Variants in ATR observed in about 807,000 individuals in gnomAD.
The protein encoded by ATR is ATR checkpoint kinase.
In ATR, 142 loss-of-function variants were observed where a neutral mutation model predicts 305.3. The ratio of observed to expected loss-of-function variants is 0.47; its 90% CI spans 0.41 to 0.53. The LOEUF is 0.53. Among genes scored for constraint, ATR ranks in the 20% least tolerant of loss-of-function variants. The probability of loss-of-function intolerance (pLI) is 0.00; values close to 1 mark genes in which losing one functional copy is unlikely to be tolerated. For missense variants in ATR, 2,135 were observed against 3,133.1 expected (o/e 0.68, Z 7.60); for synonymous variants, 1,050 against 1,068.1 (o/e 0.98, Z 0.33).
chr3:142,516,530 A>G (rs1390660738), intron 24 of ATR, among the ~76,000 whole-genome samples: 2 of 151,880 alleles, frequency 1.3e-5, no homozygotes, highest in Non-Finnish European at 2.9e-5. Flanking sequence ...AACCATCACC[A>G]CCCTCCTAAA....
chr3:142,544,187 G>C (rs2034171130), intron 16 of ATR, among the ~76,000 whole-genome samples: 1 of 151,960 alleles, frequency 6.6e-6, no homozygotes, highest in Admixed American at 6.6e-5. Context: ...GCTAGGTGTG[G>C]TGGCTCACGC....
At chr3:142,515,764 A>C (rs891770940) in intron 24 of ATR, among the ~76,000 whole-genome samples, 4 of 151,962 alleles carry the variant, frequency 2.6e-5, no homozygotes, top group Non-Finnish European at 5.9e-5. Context: ...TATAAGAAAA[A>C]CCTGTTCCTT....
chr3:142,450,469 A>G, intron 46 of ATR: 1 of 1,601,646 alleles, frequency 6.2e-7, no homozygotes, highest in Non-Finnish European at 8.5e-7. Flanking sequence ...TACTCACTTA[A>G]TGAGGTCCAC....
chr3:142,496,874 CAG>C, intron 33 of ATR, 137 bp downstream of exon 33: 3 of 992,456 alleles, frequency 3.0e-6, no homozygotes, highest in Non-Finnish European at 4.4e-6. Flanking sequence ...TCCTTTCAAC[CAG>C]ATAGTGTAGC....
chr3:142,484,542 C>T lies in ATR; in HGVS notation c.6221+598G>A, dbSNP rs1010728505. ...ATCTCTTCATCAGACTGTTTATTTG[C>T]ATCCTTTAAAATATCTTTCTTAATA... On this transcript the variant is annotated intron_variant, in intron 36 of 46. Coordinates refer to ENST00000350721, the MANE Select transcript of ATR (RefSeq NM_001184.4). Among the ~76,000 whole-genome samples, 4 of 152,266 alleles carry T rather than the reference C, an allele frequency of 2.6e-5. No homozygotes were observed. In the East Asian group the frequency reaches 7.7e-4, roughly 29 times the overall value.
chr3:142,534,961 G>A (rs962055026), intron 21 of ATR, 119 bp downstream of exon 21: 3 of 1,137,370 alleles, frequency 2.6e-6, no homozygotes, highest in East Asian at 2.7e-5. Context: ...TGATAATTCA[G>A]GTAAAATAAA....
chr3:142,464,673 A>G (rs2068050428), intron 41 of ATR, among the ~76,000 whole-genome samples: 1 of 152,210 alleles, frequency 6.6e-6, no homozygotes, highest in Non-Finnish European at 1.5e-5. Context: ...GGTTAAATTA[A>G]TGGAGACAAA....
At chr3:142,468,646 C>A (rs1420364352) in intron 38 of ATR, among the ~76,000 whole-genome samples, 1 of 151,786 alleles carries the variant, frequency 6.6e-6, no homozygotes, top group African/African-American at 2.4e-5. Flanking sequence ...ATATATTGAC[C>A]AACATATGAA....
At chr3:142,451,152 C>T in intron 46 of ATR, 1 of 1,227,304 alleles carries the variant, frequency 8.1e-7, no homozygotes, top group Non-Finnish European at 1.0e-6. Context: ...AATTTCACAT[C>T]CACTGAGGAA....
At chr3:142,473,851 G>C (rs1013571882) in intron 36 of ATR, among the ~76,000 whole-genome samples, 2 of 151,004 alleles carry the variant, frequency 1.3e-5, no homozygotes, top group Admixed American at 1.3e-4. Flanking sequence ...CTTTGTTCTT[G>C]CTCAAGATTT....
chr3:142,555,420 A>G (rs1254730398), intron 10 of ATR, among the ~76,000 whole-genome samples: 4 of 152,130 alleles, frequency 2.6e-5, no homozygotes, highest in Non-Finnish European at 5.9e-5. Flanking sequence ...AAGTATTTGT[A>G]TAAATCTCAT....
At chr3:142,496,145 T>C (rs1051535483) in intron 34 of ATR, among the ~76,000 whole-genome samples, 5 of 151,298 alleles carry the variant, frequency 3.3e-5, no homozygotes, top group East Asian at 2.0e-4. Context: ...CTGGGGACTG[T>C]AGAGTAAAAA....
chr3:142,485,413 C>A, intron 35 of ATR, 131 bp from the exon 36 acceptor site: 1 of 1,124,700 alleles, frequency 8.9e-7, no homozygotes, highest in South Asian at 1.5e-5. Flanking sequence ...AAAGCAGACT[C>A]AATCTTTGAT....
chr3:142,476,163 C>T (rs1190699249), intron 36 of ATR, among the ~76,000 whole-genome samples: 16 of 152,120 alleles, frequency 1.1e-4, no homozygotes, highest in Non-Finnish European at 2.1e-4. Context: ...ACATGAAGTC[C>T]TTGCCCATGC....
At chr3:142,558,351 C>T (rs938210171) in intron 8 of ATR, among the ~76,000 whole-genome samples, 2 of 151,670 alleles carry the variant, frequency 1.3e-5, no homozygotes, top group African/African-American at 4.8e-5. Flanking sequence ...GGTGAAACCC[C>T]GCCTCTACTA....
intron 28 of ATR, among the ~76,000 whole-genome samples, chr3:142,505,897 A>C (rs1474726414): frequency 6.6e-6 from 1 of 152,202 alleles, no homozygotes; most frequent in African/African-American, 2.4e-5. Flanking sequence ...CTGGCAAATG[A>C]AACAGGAGAA....
intron 6 of ATR, among the ~76,000 whole-genome samples, chr3:142,559,780 C>G (rs537566355): frequency 3.9e-5 from 6 of 152,218 alleles, no homozygotes; most frequent in African/African-American, 1.2e-4. Context: ...CGGCACATGC[C>G]TATAGTTCCA....
chr3:142,485,032 T>C (rs907310797), intron 36 of ATR, 108 bp downstream of exon 36: 31 of 1,506,274 alleles, frequency 2.1e-5, no homozygotes, highest in Middle Eastern at 2.2e-4. Context: ...ACTGAATCAG[T>C]CATAAGCCAG....
intron 1 of ATR, among the ~76,000 whole-genome samples, chr3:142,572,045 C>T (rs1477360016): frequency 6.6e-6 from 1 of 151,856 alleles, no homozygotes; most frequent in Admixed American, 6.6e-5. Context: ...AGATTACAGG[C>T]GTGAGCCACC....
Sources: allele counts gnomAD v4.1 joint callset (sites outside exome capture counted in the v4.1 genomes callset), GRCh38; gene constraint gnomAD v4.1.1; transcripts MANE v1.5; gene names NCBI Gene and HGNC (gene_info 2026-07-23, HGNC 2026-07-21).